MYO16: variants seen among roughly 807,000 people sequenced by gnomAD.
The protein encoded by MYO16 is myosin XVI.
A neutral mutation model predicts 205.3 loss-of-function variants in MYO16; 94 were observed. The observed-to-expected ratio is 0.46, with a 90% CI of 0.39 to 0.54. The LOEUF (loss-of-function observed/expected upper bound fraction) is 0.54, where lower values mean the gene tolerates loss of function less well. Ranked by LOEUF, MYO16 falls within the 20% of genes least tolerant of loss-of-function variation. MYO16 has a pLI of 0.00. For synonymous variants in MYO16, 988 were observed against 954.0 expected, an observed-to-expected ratio of 1.04 and a Z score of -0.66; for missense variants, 2,315 against 2,387.5, an observed-to-expected ratio of 0.97 and a Z score of 0.63.
chr13:108,897,870 G>C, intron 14 of MYO16, 146 bp from the exon 15 acceptor site: 1 of 654,292 alleles, frequency 1.5e-6, no homozygotes, highest in Non-Finnish European at 2.6e-6. Context: ...GAGGAAAAAG[G>C]GGTCTTAAAA....
chr13:108,839,527 A>G (rs1877120766), intron 9 of MYO16, among the ~76,000 whole-genome samples: 1 of 152,190 alleles, frequency 6.6e-6, no homozygotes, highest in Admixed American at 6.5e-5. Flanking sequence ...GCATATGTAG[A>G]TAGCTACATA....
At chr13:108,866,318 C>A in intron 12 of MYO16, 76 bp downstream of exon 12, 3 of 890,950 alleles carry the variant, frequency 3.4e-6, no homozygotes, top group Non-Finnish European at 4.9e-6. Context: ...TATCAAATGA[C>A]TAAAAAAAAC....
chr13:108,951,080 A>T (rs1181165175), intron 16 of MYO16, among the ~76,000 whole-genome samples: 2 of 152,060 alleles, frequency 1.3e-5, no homozygotes, highest in African/African-American at 4.8e-5. Flanking sequence ...TCTGGGATAC[A>T]TGTGCAGAGC....
At chr13:109,172,093 C>T (rs906239561) in intron 33 of MYO16, among the ~76,000 whole-genome samples, 1 of 152,190 alleles carries the variant, frequency 6.6e-6, no homozygotes, top group Non-Finnish European at 1.5e-5. Context: ...CTAAGAAGGG[C>T]TTCCATCAGC....
chr13:108,991,827 C>T (rs1051989186), intron 20 of MYO16, among the ~76,000 whole-genome samples: 10 of 152,194 alleles, frequency 6.6e-5, no homozygotes, highest in Admixed American at 3.3e-4. Flanking sequence ...GAGATAGCCA[C>T]GAGAACTATT....
intron 15 of MYO16, among the ~76,000 whole-genome samples, chr13:108,901,449 A>G (rs1880703242): frequency 6.6e-6 from 1 of 152,206 alleles, no homozygotes; most frequent in Non-Finnish European, 1.5e-5. Flanking sequence ...GGAAATTAGA[A>G]AAGAACCTAC....
the MYO16 span, among the ~76,000 whole-genome samples, chr13:108,561,990 T>G: frequency 6.6e-6 from 1 of 152,326 alleles, no homozygotes; most frequent in East Asian, 1.9e-4. Context: ...AACCTTCGAA[T>G]TTTACTTTCC....
Position 108,668,591 on chromosome 13 carries a change from G to A in MYO16, c.292+2442G>A, listed in dbSNP as rs572875977. Among the ~76,000 whole-genome samples, 50 of 152,252 alleles carry A rather than the reference G, an allele frequency of 3.3e-4. No homozygotes were observed. In the South Asian group the frequency reaches 5.8e-3, roughly 18 times the overall value. On this transcript the variant is annotated intron_variant, in intron 2 of 34. Coordinates refer to ENST00000457511, the MANE Select transcript of MYO16 (RefSeq NM_001198950.3). ...TTCCGGAGGCCACCTGCCTTCCTTG[G>A]ATCAGAGCCCCCTCCTCCGTCTCCA...
intron 16 of MYO16, among the ~76,000 whole-genome samples, chr13:108,949,207 T>A (rs565646348): frequency 6.6e-6 from 1 of 152,190 alleles, no homozygotes; most frequent in African/African-American, 2.4e-5. Context: ...GCTTTTTTCA[T>A]ACTGATTGAT....
chr13:109,201,193 T>C (rs1313866339), intron 34 of MYO16, among the ~76,000 whole-genome samples: 4 of 152,172 alleles, frequency 2.6e-5, no homozygotes, highest in African/African-American at 9.7e-5. Flanking sequence ...ATTATATTAT[T>C]CTTTTAGTAA....
At chr13:109,021,354 C>A (rs761021291) in intron 23 of MYO16, among the ~76,000 whole-genome samples, 1 of 152,152 alleles carries the variant, frequency 6.6e-6, no homozygotes, top group Non-Finnish European at 1.5e-5. Flanking sequence ...TGCTACTGCT[C>A]CCACCTGCAC....
chr13:109,082,629 G>C (rs965323702), intron 27 of MYO16, among the ~76,000 whole-genome samples: 3 of 152,092 alleles, frequency 2.0e-5, no homozygotes, highest in African/African-American at 7.2e-5. Context: ...GAGACCAGGA[G>C]TTCGAGACCA....
At chr13:108,711,949 C>A (rs1459479505) in intron 2 of MYO16, among the ~76,000 whole-genome samples, 1 of 152,210 alleles carries the variant, frequency 6.6e-6, no homozygotes, top group East Asian at 1.9e-4. Context: ...ATTGAAGAAC[C>A]TTTCTATGGG....
intron 1 of MYO16, among the ~76,000 whole-genome samples, chr13:108,630,113 A>T (rs939040864): frequency 6.6e-5 from 10 of 151,484 alleles, no homozygotes; most frequent in African/African-American, 2.4e-4. Context: ...CAGCTTTTTA[A>T]AAAAAATGAT....
chr13:109,117,617 A>G (rs1875787640), intron 28 of MYO16, among the ~76,000 whole-genome samples: 1 of 151,708 alleles, frequency 6.6e-6, no homozygotes, highest in Non-Finnish European at 1.5e-5. Flanking sequence ...ACACAAATAG[A>G]AGGTGTCAAA....
chr13:108,983,210 T>C (rs191910381), intron 20 of MYO16, among the ~76,000 whole-genome samples: 19 of 152,328 alleles, frequency 1.2e-4, no homozygotes, highest in Admixed American at 9.8e-4. Context: ...ATACCATCTG[T>C]ACCATTGATT....
chr13:108,926,073 C>T (rs1485825626), intron 16 of MYO16, among the ~76,000 whole-genome samples: 1 of 152,224 alleles, frequency 6.6e-6, no homozygotes, highest in Non-Finnish European at 1.5e-5. Flanking sequence ...ATGGCTCGTC[C>T]TCCAGACCTC....
chr13:109,175,249 T>C (rs944597010), intron 33 of MYO16, among the ~76,000 whole-genome samples: 1 of 152,218 alleles, frequency 6.6e-6, no homozygotes, highest in Non-Finnish European at 1.5e-5. Flanking sequence ...GGTTTAACTT[T>C]CAGTGCTCTG....
At chr13:108,541,344 T>C in the MYO16 span, among the ~76,000 whole-genome samples, 1 of 151,190 alleles carries the variant, frequency 6.6e-6, no homozygotes, top group Non-Finnish European at 1.5e-5. Flanking sequence ...CATAGATATA[T>C]GTATAATTAT....
Sources: gnomAD v4.1 joint callset for allele counts (sites outside exome capture counted in the v4.1 genomes callset) on GRCh38, gnomAD v4.1.1 for gene constraint, MANE v1.5 for transcripts, NCBI Gene and HGNC (gene_info 2026-07-23, HGNC 2026-07-21) for gene names.